PDE6A: variants seen among roughly 807,000 people sequenced by gnomAD.
PDE6A encodes phosphodiesterase 6A, also known as rod cGMP-specific 3',5'-cyclic phosphodiesterase subunit alpha.
PDE6A carries 84 observed loss-of-function variants against 106.3 expected under a neutral mutation model. That is an observed-to-expected ratio of 0.79 (90% confidence interval 0.66 to 0.95). The LOEUF is 0.95. PDE6A is among the 40% of genes least tolerant of loss of function. The pLI is 0.00. For synonymous variants in PDE6A, 394 were observed against 386.6 expected, an observed-to-expected ratio of 1.02 and a Z score of -0.23; for missense variants, 1,052 against 1,084.9, an observed-to-expected ratio of 0.97 and a Z score of 0.43.
chr5:149,914,972 C>T lies in PDE6A; in HGVS notation c.969G>A (p.Leu323=). Residue 323 remains leucine (L), a synonymous_variant, in exon 6 of 22, where the codon CTG becomes CTA. Coordinates refer to ENST00000255266, the MANE Select transcript of PDE6A (RefSeq NM_000440.3). The stretch of plus-strand genomic sequence containing the variant: ...TGACTTTGATGTCCTCTTTGCCATG[C>T]AGGATGTAGTCAATGACCTTGTAAA... ...INFYKVIDYI[L]HGKEDIKVIP... 1 of 1,608,880 alleles carries T rather than the reference C, an allele frequency of 6.2e-7. No individual in the cohort carries two copies. Among genetic ancestry groups the T allele is most frequent in the Non-Finnish European group, 8.5e-7 (1 of 1,176,914 alleles).
At chr5:149,926,685 G>T (rs1332688181) in intron 4 of PDE6A, among the ~76,000 whole-genome samples, 1 of 152,060 alleles carries the variant, frequency 6.6e-6, no homozygotes, top group African/African-American at 2.4e-5. Flanking sequence ...ACCATTAAGA[G>T]AATGAAAGCA....
intron 17 of PDE6A, among the ~76,000 whole-genome samples, chr5:149,879,405 T>G (rs1048459885): frequency 1.4e-5 from 2 of 147,222 alleles, no homozygotes; most frequent in Non-Finnish European, 3.0e-5. Context: ...GCTCTGAAAT[T>G]TTTTTTTTTT....
chr5:149,886,382 G>A lies in PDE6A; in HGVS notation c.1729-8C>T, dbSNP rs1463430389. 1.2e-6 allele frequency: 2 copies of A among 1,604,010 alleles called. No homozygotes were observed. The highest frequency in any genetic ancestry group is 1.7e-5 in the Admixed American group (1 of 59,978). On this transcript the variant is annotated splice_region_variant and splice_polypyrimidine_tract_variant and intron_variant, in intron 13 of 21. Coordinates refer to ENST00000255266, the MANE Select transcript of PDE6A (RefSeq NM_000440.3). ...GCGCTTCAGCTTTCCCGTCTGGAAGGGCAATCAGAGTGCAAATCATTCCTT... is the reference window on the plus strand; with the variant it reads ...GCGCTTCAGCTTTCCCGTCTGGAAGAGCAATCAGAGTGCAAATCATTCCTT...
intron 4 of PDE6A, among the ~76,000 whole-genome samples, chr5:149,924,260 G>A (rs1753812774): frequency 6.6e-6 from 1 of 152,096 alleles, no homozygotes; most frequent in African/African-American, 2.4e-5. Context: ...AAATGCTAGA[G>A]GAGCCCAGAA....
At chr5:149,909,865 TC>T (rs1422060150) in intron 6 of PDE6A, among the ~76,000 whole-genome samples, 1 of 152,212 alleles carries the variant, frequency 6.6e-6, no homozygotes, top group African/African-American at 2.4e-5. Context: ...ATTTCTTAGT[TC>T]CCAAGCATAT....
At chr5:149,924,515 A>G (rs1018428000) in intron 4 of PDE6A, among the ~76,000 whole-genome samples, 9 of 151,812 alleles carry the variant, frequency 5.9e-5, no homozygotes, top group African/African-American at 1.9e-4. Context: ...CAATAGGGGA[A>G]AGGATAAATT....
At position 149,944,420 on chromosome 5, in the gene PDE6A, A is replaced by C. The variant is rs2113673474; in HGVS notation, c.254T>G (p.Leu85Arg). ...EKCIFNVMKK[L>R]CFLLQADRMS... ...GCGGTCTGCCTGCAGGAGGAAGCAC[A>C]GCTTCTTCATGACATTGAAGATGCA... Residue 85 changes from leucine (L) to arginine (R), a missense_variant, in exon 1 of 22, where the codon CTG becomes CGG. Physicochemically the swap from Leu to Arg is moderately radical, Grantham distance 102 (BLOSUM62 -2). Around this residue, in one of 3 missense-constraint regions of PDE6A, gnomAD observed 913 missense variants for 915.2 expected, o/e 1.00. Coordinates refer to ENST00000255266, the MANE Select transcript of PDE6A (RefSeq NM_000440.3). The C allele has an allele frequency of 6.2e-7, 1 of 1,614,116 alleles. No homozygotes were observed. Among genetic ancestry groups the C allele is most frequent in the Non-Finnish European group, 8.5e-7 (1 of 1,180,000 alleles).
chr5:149,866,320 T>G, intron 19 of PDE6A, 67 bp from the exon 20 acceptor site: 1 of 1,142,448 alleles, frequency 8.8e-7, no homozygotes, highest in Non-Finnish European at 1.3e-6. Flanking sequence ...CTATGAAGCA[T>G]TCTTACTAAA....
intron 8 of PDE6A, among the ~76,000 whole-genome samples, chr5:149,902,546 C>A (rs529255568): frequency 6.6e-6 from 1 of 151,314 alleles, no homozygotes; most frequent in Admixed American, 6.6e-5. Flanking sequence ...GAAGGTCAGG[C>A]GCGGTAGCTC....
chr5:149,867,968 G>A, intron 18 of PDE6A, 127 bp downstream of exon 18: 2 of 1,124,678 alleles, frequency 1.8e-6, no homozygotes, highest in African/African-American at 1.5e-5. Context: ...TGATTCCCAT[G>A]TCTTGGTAGA....
rs1020268133 is a variant in PDE6A at position 149,907,192 on chromosome 5, T to G, written c.1065+120A>C. The G allele has an allele frequency of 2.6e-5, 21 of 819,266 alleles. No individual in the cohort carries two copies. In the African/African-American group the frequency reaches 3.2e-4, roughly 13 times the overall value. The allele number at this position is 819,266 out of a possible 1,614,324, so 50.7% of individuals were successfully genotyped here. A position where few individuals can be genotyped will look rare whatever the true frequency, so the allele number is the denominator to read the frequency against. On this transcript the variant is annotated intron_variant, in intron 7 of 21. Transcript: ENST00000255266. Reference sequence around the variant, plus strand: ...AACTGAATTGAGAGAAACAAGAGAATTAGGCTTTTAGAGATCCACACTTGC... The same window carrying G: ...AACTGAATTGAGAGAAACAAGAGAAGTAGGCTTTTAGAGATCCACACTTGC...
intron 5 of PDE6A, 25 bp downstream of exon 5, chr5:149,921,610 A>C (rs1188441221): frequency 6.4e-7 from 1 of 1,573,850 alleles, no homozygotes; most frequent in East Asian, 2.2e-5. Flanking sequence ...ATTAAATCAT[A>C]CTGAAAAGGT....
chr5:149,919,944 T>TTAA (rs199959686), intron 5 of PDE6A, among the ~76,000 whole-genome samples: 12,097 of 152,226 alleles, frequency 0.079, 509 homozygotes, highest in South Asian at 0.14. Flanking sequence ...GGAACATTAA[T>TTAA]TGGTTGGAAT....
intron 7 of PDE6A, among the ~76,000 whole-genome samples, chr5:149,906,317 G>A (rs1228200905): frequency 1.3e-5 from 2 of 151,402 alleles, no homozygotes; most frequent in African/African-American, 2.4e-5. Flanking sequence ...CTTGAAACCA[G>A]GTGTTCGAAA....
At chr5:149,917,175 A>T (rs1753582722) in intron 5 of PDE6A, among the ~76,000 whole-genome samples, 1 of 150,184 alleles carries the variant, frequency 6.7e-6, no homozygotes, top group South Asian at 2.1e-4. Context: ...AATATATTTT[A>T]TCATATTTTT....
chr5:149,883,712 T>C (rs1761016215), intron 16 of PDE6A, among the ~76,000 whole-genome samples, 176 bp from the exon 17 acceptor site: 1 of 152,214 alleles, frequency 6.6e-6, no homozygotes, highest in South Asian at 2.1e-4. Context: ...TCTCTGCCAC[T>C]GATTTGTTAT....
rs1269193144 is a variant in PDE6A, at chr5:149,899,419, T to C, written c.1219A>G (p.Lys407Glu). ...ATTTCATCAAAGGGCTTCCCATCTT[T>C]ACGATTGTAAAATGTGGCCACTCCA... ...IVGVATFYNR[K>E]DGKPFDEMDE... The change falls in exon 9 of 22, where the codon AAA becomes GAA. Residue 407 changes from lysine (K) to glutamate (E), a missense_variant. By Grantham distance (56) the Lys-to-Glu change is moderately conservative (BLOSUM62 1). Around this residue, in one of 3 missense-constraint regions of PDE6A, gnomAD observed 913 missense variants for 915.2 expected, o/e 1.00. Coordinates refer to ENST00000255266, the MANE Select transcript of PDE6A (RefSeq NM_000440.3). 1.2e-6 allele frequency: 2 copies of C among 1,614,190 alleles called. No individual in the cohort carries two copies. The highest frequency in any genetic ancestry group is 3.3e-5 in the Admixed American group (2 of 60,024).
chr5:149,912,088 T>C (rs1041283071), intron 6 of PDE6A, among the ~76,000 whole-genome samples: 2 of 152,144 alleles, frequency 1.3e-5, no homozygotes, highest in African/African-American at 4.8e-5. Flanking sequence ...CTACCTGCTC[T>C]ATGTTCTTCT....
intron 4 of PDE6A, among the ~76,000 whole-genome samples, chr5:149,930,342 C>A (rs1339045499): frequency 6.6e-6 from 1 of 152,070 alleles, no homozygotes. Flanking sequence ...CATGACAAGG[C>A]GTACAAAATG....
Sources: allele counts gnomAD v4.1 joint callset (sites outside exome capture counted in the v4.1 genomes callset), GRCh38; gene constraint gnomAD v4.1.1; regional missense constraint gnomAD v4.1.1; transcripts MANE v1.5; gene names NCBI Gene and HGNC (gene_info 2026-07-23, HGNC 2026-07-21).